SPNS1: variants seen among roughly 807,000 people sequenced by gnomAD.
SPNS1 encodes protein spinster homolog 1.
A neutral mutation model predicts 50.3 loss-of-function variants in SPNS1; 22 were observed. The ratio of observed to expected loss-of-function variants is 0.44; its 90% CI spans 0.31 to 0.62. The LOEUF (loss-of-function observed/expected upper bound fraction) is 0.62. Ranked by LOEUF, SPNS1 falls within the 20% of genes least tolerant of loss-of-function variation. The pLI is 0.07. For synonymous variants in SPNS1, 295 were observed against 317.4 expected (o/e 0.93, Z 0.75); for missense variants, 576 against 728.6 (o/e 0.79, Z 2.41).
chr16:28,984,122 C>T (rs1047611547), intron 11 of SPNS1, 83 bp from the exon 12 acceptor site: 4 of 1,463,426 alleles, frequency 2.7e-6, no homozygotes, highest in Admixed American at 4.3e-5. Context: ...CTGCCCCATC[C>T]ATTTCCCGCT....
In SPNS1 at chr16:28,981,679, T is replaced by TG; in HGVS notation, c.809+68dup. 1 of 1,588,646 alleles carries TG rather than the reference T, an allele frequency of 6.3e-7. No individual in the cohort carries two copies. ...CCTGGCGTCTGGTTTGAGGTTTAAG[T>TG]GGGGATGTTCCTGTTCCTGGCCACA... On this transcript the variant is annotated intron_variant, in intron 6 of 11. Coordinates refer to ENST00000311008, the MANE Select transcript of SPNS1 (RefSeq NM_032038.3). The surrounding 1 kb of genome is among the most constrained non-coding windows in gnomAD (Gnocchi z 4.2).
At chr16:28,978,073 GC>G in intron 3 of SPNS1, 29 bp downstream of exon 3, 1 of 1,605,752 alleles carries the variant, frequency 6.2e-7, no homozygotes. Flanking sequence ...TCCTGTTTCT[GC>G]CCACACCCCC....
chr16:28,983,913 T>G lies in SPNS1; in HGVS notation c.1448T>G (p.Ile483Ser). The G allele has an allele frequency of 6.3e-7, 1 of 1,598,622 alleles. No homozygotes were observed. The highest frequency in any genetic ancestry group is 2.2e-5 in the East Asian group (1 of 44,752). ...GGCGCAGCCTTCCTGGGCACCGCCA[T>G]CTTCATTGAGGCCGACCGCCGGCGG... is the stretch of plus-strand genomic sequence containing the variant. ...LGGAAFLGTA[I>S]FIEADRRRAQ... is the part of the protein sequence containing the mutation. Residue 483 changes from isoleucine to serine, a missense_variant, in exon 11 of 12, where the codon ATC becomes AGC. By Grantham distance (142) the Ile-to-Ser change is moderately radical. This residue lies in a region of SPNS1 where 428 missense variants were observed against 520.1 expected (regional missense o/e 0.82). Coordinates refer to ENST00000311008, the MANE Select transcript of SPNS1 (RefSeq NM_032038.3). This position sits in a 1 kb window ranked among gnomAD's most constrained non-coding sequence, Gnocchi z 5.4.
At chr16:28,978,625 C>T (rs1482162694) in intron 3 of SPNS1, 1 of 160,662 alleles carries the variant, frequency 6.2e-6, no homozygotes. Context: ...TGCGATGCCA[C>T]ACTCTTCTGG....
At chr16:28,975,655 GT>G in intron 2 of SPNS1, 98 bp downstream of exon 2, 5 of 1,393,774 alleles carry the variant, frequency 3.6e-6, no homozygotes, top group Non-Finnish European at 4.0e-6. Flanking sequence ...ATTAATGGAG[GT>G]TTTGTGGCCA....
chr16:28,984,386 GC>G lies in SPNS1; in HGVS notation c.*90del. 7.3e-7 allele frequency: 1 copy of G among 1,360,938 alleles called. No homozygotes were observed. The highest frequency in any genetic ancestry group is 1.0e-6 in the Non-Finnish European group (1 of 978,984). 84.3% of individuals were successfully genotyped at this position (1,360,938 alleles called of 1,614,324 possible). A position where few individuals can be genotyped will look rare whatever the true frequency, so the allele number is the denominator to read the frequency against. On this transcript the variant is annotated 3_prime_UTR_variant, in exon 12 of 12. Coordinates refer to ENST00000311008, the MANE Select transcript of SPNS1 (RefSeq NM_032038.3). ...GGCCTGGGCCTAACCCCTTGGCCTG[GC>G]CCAGCTTCCAGAGGGACCCTGGGCC...
Position 28,981,966 on chromosome 16 carries a change from T to C in SPNS1, c.875T>C (p.Leu292Pro), listed in dbSNP as rs761533847. Residue 292 changes from leucine (L) to proline (P), a missense_variant, in exon 7 of 12, where the codon CTG becomes CCG. This residue lies in a region of SPNS1 where 428 missense variants were observed against 520.1 expected (regional missense o/e 0.82). Coordinates refer to ENST00000311008, the MANE Select transcript of SPNS1 (RefSeq NM_032038.3). This position sits in a 1 kb window ranked among gnomAD's most constrained non-coding sequence, Gnocchi z 4.2. The part of the protein sequence containing the change: ...AVAFVTGSLA[L>P]WAPAFLLRSR... The stretch of plus-strand genomic sequence containing the variant: ...GCCTTTGTCACGGGCTCCCTGGCTC[T>C]GTGGGCTCCGGCATTCCTGCTGCGT... 7.4e-6 allele frequency: 12 copies of C among 1,614,130 alleles called. No individual in the cohort carries two copies. The highest frequency in any genetic ancestry group is 1.0e-5 in the Non-Finnish European group (12 of 1,180,050).
chr16:28,978,345 C>G (rs1965413704), intron 3 of SPNS1: 1 of 302,260 alleles, frequency 3.3e-6, no homozygotes, highest in Admixed American at 4.5e-5. Context: ...CCTGATCAGA[C>G]TTCCTGAAGG....
At chr16:28,982,795 A>G in intron 8 of SPNS1, 62 bp from the exon 9 acceptor site, 8 of 1,571,864 alleles carry the variant, frequency 5.1e-6, no homozygotes, top group Non-Finnish European at 6.1e-6. Context: ...AGCTGGGAAC[A>G]TGGTCAACTT....
chr16:28,979,571 G>T, intron 5 of SPNS1, 100 bp downstream of exon 5: 1 of 1,301,610 alleles, frequency 7.7e-7, no homozygotes, highest in Non-Finnish European at 1.1e-6. Flanking sequence ...TCTTTTAAGA[G>T]ACAGGGTCTT....
intron 3 of SPNS1, chr16:28,978,905 C>G: frequency 1.8e-6 from 1 of 551,352 alleles, no homozygotes; most frequent in Non-Finnish European, 3.2e-6. Flanking sequence ...CTAGTCCTTG[C>G]AATAGCTCTG....
Position 28,984,199 on chromosome 16 carries a change from C to T in SPNS1, c.1493-6C>T, listed in dbSNP as rs757376717. On this transcript the variant is annotated splice_polypyrimidine_tract_variant and splice_region_variant and intron_variant, in intron 11 of 11. Coordinates refer to ENST00000311008, the MANE Select transcript of SPNS1 (RefSeq NM_032038.3). ...GCTCACCCTGGCTCTGACCCTCCCC[C>T]CTCAGGCCTGCTGCACGAAGCAGGG... 1.9e-6 allele frequency: 3 copies of T among 1,563,952 alleles called. No individual in the cohort carries two copies. The highest frequency in any genetic ancestry group is 2.4e-5 in the South Asian group (2 of 83,660).
At chr16:28,977,786 G>A in intron 2 of SPNS1, 122 bp from the exon 3 acceptor site, 1 of 1,262,518 alleles carries the variant, frequency 7.9e-7, no homozygotes, top group Non-Finnish European at 1.1e-6. Context: ...GCTGGGATGT[G>A]GGGGTGTTGT....
chr16:28,977,833 T>G, intron 2 of SPNS1, 75 bp from the exon 3 acceptor site: 1 of 1,569,604 alleles, frequency 6.4e-7, no homozygotes, highest in Non-Finnish European at 8.7e-7. Context: ...CTCCTGTGCT[T>G]TAGTGGTTCC....
intron 2 of SPNS1, among the ~76,000 whole-genome samples, chr16:28,977,284 C>T (rs916430125): frequency 6.7e-6 from 1 of 148,930 alleles, no homozygotes; most frequent in Non-Finnish European, 1.5e-5. Context: ...CACAGCACTC[C>T]AACCTGACAA....
downstream of SPNS1, chr16:28,984,752 C>A: frequency 6.0e-6 from 6 of 998,254 alleles, no homozygotes; most frequent in South Asian, 6.9e-5. Flanking sequence ...TCCCTGGAGC[C>A]TGTCCCTTGC....
Position 28,983,370 on chromosome 16 carries a change from G to C in SPNS1, c.1320+80G>C, listed in dbSNP as rs140899124. 1.1e-3 allele frequency: 1,214 copies of C among 1,139,182 alleles called. 9 individuals carry two copies. The African/African-American group carries it at 0.011, about 10-fold the overall frequency. 70.6% of individuals were successfully genotyped at this position (1,139,182 alleles called of 1,614,324 possible). On this transcript the variant is annotated intron_variant, in intron 10 of 11. Transcript: ENST00000311008. This position sits in a 1 kb window ranked among gnomAD's most constrained non-coding sequence, Gnocchi z 5.4. ...GATCAGAAGGCCTGGCCCTAGTGAA[G>C]TGTCTGTGTCCTGCGTGCTGGGCAC... is the stretch of plus-strand genomic sequence containing the variant.
rs987533554 is a variant in SPNS1, at chr16:28,974,955, G to A, written c.-197G>A. 35 of 1,480,710 alleles carry A rather than the reference G, an allele frequency of 2.4e-5. No homozygotes were observed. Among genetic ancestry groups the A allele is most frequent in the Non-Finnish European group, 3.1e-5 (34 of 1,114,690 alleles). The allele number at this position is 1,480,710 out of a possible 1,614,324, so 91.7% of individuals were successfully genotyped here. A position where few individuals can be genotyped will look rare whatever the true frequency, so the allele number is the denominator to read the frequency against. On this transcript the variant is annotated 5_prime_UTR_variant, in exon 1 of 12. In the 5' UTR this introduces an upstream ATG that the reference lacks. Transcript: ENST00000311008. ...ATTCCGCACGTCCCCTCCGCGCTGT[G>A]TGTCTACTGAGACGGGGAGGCGTGA...
rs574029076 is a variant in SPNS1, at chr16:28,979,707, T to C, written c.663+236T>C. On this transcript the variant is annotated intron_variant, in intron 5 of 11. Transcript: ENST00000311008. ...CTGGGACTATAGGTGCCCGCCACCA[T>C]GCCTGGCTAATTAAAAAAACTTTTT... 9.7e-4 allele frequency: 505 copies of C among 521,966 alleles called. 3 individuals are homozygous for C. Among genetic ancestry groups the C allele is most frequent in the African/African-American group, 9.0e-3 (470 of 52,076 alleles). The allele number at this position is 521,966 out of a possible 1,614,324, so 32.3% of individuals were successfully genotyped here. A position where few individuals can be genotyped will look rare whatever the true frequency, so the allele number is the denominator to read the frequency against.
Sources: allele counts gnomAD v4.1 joint callset (sites outside exome capture counted in the v4.1 genomes callset), GRCh38; gene constraint gnomAD v4.1.1; regional missense constraint gnomAD v4.1.1; non-coding constraint Gnocchi (gnomAD v3.1); transcripts MANE v1.5; gene names NCBI Gene and HGNC (gene_info 2026-07-23, HGNC 2026-07-21).